ZNF790: variants seen among roughly 807,000 people sequenced by gnomAD.
ZNF790 encodes zinc finger protein 790.
Under a neutral mutation model 12.1 loss-of-function variants are expected in ZNF790, and 8 were observed. The ratio of observed to expected loss-of-function variants is 0.66; its 90% CI spans 0.39 to 1.19. ZNF790 has a LOEUF of 1.19. Ranked by LOEUF, ZNF790 falls within the 50% of genes most tolerant of loss-of-function variation. The probability of loss-of-function intolerance (pLI) is 0.01; values close to 1 mark genes in which losing one functional copy is unlikely to be tolerated. For missense variants in ZNF790, 707 were observed against 752.2 expected, an observed-to-expected ratio of 0.94 and a Z score of 0.70; for synonymous variants, 252 against 244.3, an observed-to-expected ratio of 1.03 and a Z score of -0.29.
chr19:36,821,087 AG>A (rs2071662021), intron 4 of ZNF790, among the ~76,000 whole-genome samples: 1 of 139,290 alleles, frequency 7.2e-6, no homozygotes, highest in African/African-American at 2.7e-5. Context: ...ACAAAAAAAT[AG>A]TTTGAGAAAT....
upstream of ZNF790, among the ~76,000 whole-genome samples, chr19:36,840,712 C>A (rs1144539): frequency 0.26 from 39,061 of 152,122 alleles, 5,460 homozygotes; most frequent in Non-Finnish European, 0.32. Context: ...GCATATCAGG[C>A]CTTTCTAAGG....
At chr19:36,836,690 G>A (rs2072053563) in intron 1 of ZNF790, among the ~76,000 whole-genome samples, 2 of 152,240 alleles carry the variant, frequency 1.3e-5, no homozygotes, top group South Asian at 2.1e-4. Flanking sequence ...CCTGGGAGGC[G>A]GAGGTTGCAG....
intron 2 of ZNF790, among the ~76,000 whole-genome samples, chr19:36,825,084 T>C (rs1227797): frequency 0.34 from 51,727 of 152,008 alleles, 9,626 homozygotes; most frequent in African/African-American, 0.49. Context: ...TAACTAGCCC[T>C]GGATTGTTAA....
At chr19:36,825,280 T>C (rs1460663407) in intron 2 of ZNF790, among the ~76,000 whole-genome samples, 1 of 152,238 alleles carries the variant, frequency 6.6e-6, no homozygotes, top group African/African-American at 2.4e-5. Context: ...CTTTATGTAG[T>C]ATGTCCCCTT....
chr19:36,825,000 T>A (rs117043030), intron 2 of ZNF790, among the ~76,000 whole-genome samples: 2,024 of 152,052 alleles, frequency 0.013, 24 homozygotes, highest in East Asian at 0.06. Flanking sequence ...AAATTCAGTG[T>A]CATAAGTGAT....
chr19:36,827,117 T>TACACACACACACACACACACACACAC lies in ZNF790; in HGVS notation c.-73-1426_-73-1425insGTGTGTGTGTGTGTGTGTGTGTGTGT, dbSNP rs760453936. 3.3e-4 allele frequency among the ~76,000 whole-genome samples: 20 copies of TACACACACACACACACACACACACAC among 60,916 alleles called. 1 individual carries two copies. Among genetic ancestry groups the TACACACACACACACACACACACACAC allele is most frequent in the Non-Finnish European group, 5.3e-4 (16 of 30,008 alleles). The allele number at this position is 60,916 out of a possible 152,430, so 40.0% of individuals were successfully genotyped here. ...GTGTGTGTGTGTATATATATACACA[T>TACACACACACACACACACACACACAC]ACACACACACACACACACACACACA... On this transcript the variant is annotated intron_variant, in intron 1 of 4. Transcript: ENST00000356725.
intron 2 of ZNF790, 95 bp downstream of exon 2, chr19:36,825,516 G>T: frequency 8.0e-7 from 1 of 1,248,744 alleles, no homozygotes; most frequent in Non-Finnish European, 1.2e-6. Flanking sequence ...ACTCAATAGT[G>T]ATTCAGGTAA....
chr19:36,819,902 T>G lies in ZNF790; in HGVS notation c.442A>C (p.Arg148=). Residue 148 remains arginine, a synonymous_variant, in exon 5 of 5, where the codon AGG becomes CGG. Transcript: ENST00000356725. ...ACTGTATGCTGGTTAAAAGTGGGCC[T>G]TTTTTCACAGGTGCGTATCACCTGC... ...FKQVIRTCEK[R]PTFNQHTVFN... is the part of the protein sequence containing the mutation. 2 of 1,614,120 alleles carry G rather than the reference T, an allele frequency of 1.2e-6. No homozygotes were observed. The highest frequency in any genetic ancestry group is 1.7e-5 in the Admixed American group (1 of 60,022).
Position 36,838,106 on chromosome 19 carries a change from GCACACACACACACACACACACATA to G in ZNF790, c.-74+207_-74+230del, listed in dbSNP as rs1228802205. Reference sequence around the variant, plus strand: ...CTGTCAACGTCGTGTGCGCGTGCGCGCACACACACACACACACACACATACACACACACACACACAAGCTCCCGT... The same window carrying G: ...CTGTCAACGTCGTGTGCGCGTGCGCGCACACACACACACACAAGCTCCCGT... On this transcript the variant is annotated intron_variant, in intron 1 of 4. Coordinates refer to ENST00000356725, the MANE Select transcript of ZNF790 (RefSeq NM_206894.4). This position sits in a 1 kb window ranked among gnomAD's most constrained non-coding sequence, Gnocchi z 4.4. 2 of 75,122 alleles carry G rather than the reference GCACACACACACACACACACACATA, an allele frequency of 2.7e-5. No individual in the cohort carries two copies. The highest frequency in any genetic ancestry group is 1.2e-4 in the Admixed American group (1 of 8,256). 4.7% of individuals were successfully genotyped at this position (75,122 alleles called of 1,614,324 possible). A position where few individuals can be genotyped will look rare whatever the true frequency, so the allele number is the denominator to read the frequency against.
chr19:36,830,433 G>T (rs900865952), intron 1 of ZNF790, among the ~76,000 whole-genome samples: 1 of 152,036 alleles, frequency 6.6e-6, no homozygotes, highest in Admixed American at 6.5e-5. Context: ...TACTGGATTT[G>T]GTTTGCTACT....
At chr19:36,843,541 G>A (rs1332256730) in intron 1 of ZNF790, among the ~76,000 whole-genome samples, 2 of 152,108 alleles carry the variant, frequency 1.3e-5, no homozygotes, top group African/African-American at 4.8e-5. Flanking sequence ...CTCAATCACT[G>A]ATTAAATGAA....
chr19:36,848,098 C>T (rs530539490), intron 1 of ZNF790, among the ~76,000 whole-genome samples: 2 of 152,332 alleles, frequency 1.3e-5, no homozygotes, highest in African/African-American at 2.4e-5. Flanking sequence ...GGGACTAAGA[C>T]ACTTCAGTTC....
Position 36,819,275 on chromosome 19 carries a change from G to A in ZNF790, c.1069C>T (p.Gln357Ter), listed in dbSNP as rs1225681856. The change falls in exon 5 of 5, where the codon CAG becomes TAG. Residue 357 changes from glutamine (Q) to a stop codon, truncating the protein, a stop_gained. Coordinates refer to ENST00000356725, the MANE Select transcript of ZNF790 (RefSeq NM_206894.4). LOFTEE classifies it low-confidence loss of function (END_TRUNC). ...GATTTCTCACCAGTATGAATTCTCT[G>A]ATGCTGAGTTAGGTGTGATCCACGA... ...FTRGSHLTQH[Q>*]RIHTGEKSHE... is the part of the protein sequence containing the mutation. 5 of 1,612,648 alleles carry A rather than the reference G, an allele frequency of 3.1e-6. No individual in the cohort carries two copies. Among genetic ancestry groups the A allele is most frequent in the Non-Finnish European group, 4.2e-6 (5 of 1,179,314 alleles).
chr19:36,846,245 A>G (rs973604905), intron 1 of ZNF790, among the ~76,000 whole-genome samples: 2 of 152,200 alleles, frequency 1.3e-5, no homozygotes, highest in African/African-American at 4.8e-5. Flanking sequence ...AGTGCCTAGA[A>G]TAGCACCTGG....
intron 1 of ZNF790, among the ~76,000 whole-genome samples, chr19:36,846,528 C>T (rs1004195239): frequency 3.7e-4 from 56 of 152,000 alleles, no homozygotes; most frequent in African/African-American, 1.4e-3. Flanking sequence ...AGTGCCACTG[C>T]ACTCCAGCCT....
chr19:36,825,483 G>C (rs1568336988), intron 2 of ZNF790, 128 bp downstream of exon 2: 2 of 1,025,016 alleles, frequency 2.0e-6, no homozygotes, highest in Non-Finnish European at 3.1e-6. Flanking sequence ...GCATTGGACT[G>C]TTTCACAGTC....
chr19:36,834,975 A>G (rs2072015174), intron 1 of ZNF790, among the ~76,000 whole-genome samples: 1 of 152,252 alleles, frequency 6.6e-6, no homozygotes, highest in South Asian at 2.1e-4. Flanking sequence ...TTCATAAAGC[A>G]AAAGTTACAG....
chr19:36,821,622 C>T (rs1190185353), intron 4 of ZNF790, among the ~76,000 whole-genome samples: 5 of 152,122 alleles, frequency 3.3e-5, no homozygotes, highest in East Asian at 1.9e-4. Context: ...CTCACTCTGT[C>T]GCCCAGGTTG....
intron 1 of ZNF790, among the ~76,000 whole-genome samples, chr19:36,828,340 G>A (rs1189383311): frequency 1.3e-5 from 2 of 151,972 alleles, no homozygotes; most frequent in African/African-American, 4.8e-5. Context: ...GCACATGCCT[G>A]TAATCCCAGC....
Sources: gnomAD v4.1 joint callset for allele counts (sites outside exome capture counted in the v4.1 genomes callset) on GRCh38, gnomAD v4.1.1 for gene constraint, Gnocchi (gnomAD v3.1) non-coding constraint, MANE v1.5 for transcripts, NCBI Gene and HGNC (gene_info 2026-07-23, HGNC 2026-07-21) for gene names.